Variants in ABLIM1 observed in about 807,000 individuals in gnomAD.
The protein encoded by ABLIM1 is actin binding LIM protein 1.
In ABLIM1, 40 loss-of-function variants were observed where a neutral mutation model predicts 107.0. The ratio of observed to expected loss-of-function variants is 0.37; its 90% CI spans 0.29 to 0.49. ABLIM1 has a LOEUF of 0.49. Among genes scored for constraint, ABLIM1 ranks in the 20% least tolerant of loss-of-function variants. The pLI is 0.97. For synonymous variants in ABLIM1, 357 were observed against 357.3 expected, an observed-to-expected ratio of 1.00 and a Z score of 0.01; for missense variants, 857 against 1,008.5, an observed-to-expected ratio of 0.85 and a Z score of 2.04.
At chr10:114,460,533 G>A (rs572102782) in intron 12 of ABLIM1, among the ~76,000 whole-genome samples, 9 of 152,248 alleles carry the variant, frequency 5.9e-5, no homozygotes, top group Admixed American at 2.6e-4. Context: ...GCTGGGAGGC[G>A]GAGGCTGCAG....
chr10:114,765,639 A>C (rs1039202701), intron 1 of ABLIM1, among the ~76,000 whole-genome samples: 2 of 152,188 alleles, frequency 1.3e-5, no homozygotes. Context: ...AAAAATATAC[A>C]CATTTCTAGA....
the ABLIM1 span, among the ~76,000 whole-genome samples, chr10:114,788,987 T>C: frequency 1.3e-5 from 2 of 152,102 alleles, no homozygotes; most frequent in Non-Finnish European, 2.9e-5. Context: ...CCAGGCACAG[T>C]GACTCATGCC....
chr10:114,688,556 G>A (rs1366876558), upstream of ABLIM1, among the ~76,000 whole-genome samples: 2 of 152,182 alleles, frequency 1.3e-5, no homozygotes, highest in East Asian at 3.8e-4. Context: ...CTCACTCTCT[G>A]TAGGCATTGA....
At chr10:114,555,803 A>G (rs1235792291) in intron 4 of ABLIM1, among the ~76,000 whole-genome samples, 2 of 152,180 alleles carry the variant, frequency 1.3e-5, no homozygotes, top group African/African-American at 2.4e-5. Flanking sequence ...TTGCCCAGGT[A>G]TGTTCAAGAA....
intron 6 of ABLIM1, among the ~76,000 whole-genome samples, chr10:114,493,600 T>G (rs1404111090): frequency 6.6e-6 from 1 of 152,098 alleles, no homozygotes; most frequent in Admixed American, 6.6e-5. Flanking sequence ...TATGGCTAGA[T>G]AAAAAATTAA....
chr10:114,612,060 G>T (rs1247935826), intron 1 of ABLIM1, among the ~76,000 whole-genome samples: 1 of 152,172 alleles, frequency 6.6e-6, no homozygotes, highest in Admixed American at 6.5e-5. Flanking sequence ...TTCTAGGGTG[G>T]TAGCGGAGAC....
At chr10:114,450,124 C>T (rs2061617471) in intron 14 of ABLIM1, 1 of 401,644 alleles carries the variant, frequency 2.5e-6, no homozygotes. Context: ...AAAAGGATGA[C>T]TTCAAACAGT....
intron 1 of ABLIM1, among the ~76,000 whole-genome samples, chr10:114,740,073 TA>T (rs2082256144): frequency 6.6e-6 from 1 of 152,134 alleles, no homozygotes; most frequent in African/African-American, 2.4e-5. Flanking sequence ...TGTGCAATTA[TA>T]AGACGCAGAG....
chr10:114,690,330 C>T (rs2081047504), intron 1 of ABLIM1: 1 of 1,601,680 alleles, frequency 6.2e-7, no homozygotes, highest in African/African-American at 1.3e-5. Flanking sequence ...TGTGTTGGGT[C>T]CAGCATTTGC....
At chr10:114,678,731 T>G (rs570595879) in intron 1 of ABLIM1, among the ~76,000 whole-genome samples, 11 of 152,366 alleles carry the variant, frequency 7.2e-5, no homozygotes, top group African/African-American at 2.2e-4. Flanking sequence ...GTTTGCTCTA[T>G]AAACATCTTA....
At chr10:114,658,481 A>G (rs1345386497), upstream of ABLIM1, among the ~76,000 whole-genome samples, 1 of 152,248 alleles carries the variant, frequency 6.6e-6, no homozygotes, top group Non-Finnish European at 1.5e-5. Flanking sequence ...ATCCAGAATA[A>G]GAGAAAGAAT....
At chr10:114,713,650 T>C (rs1472885378) in intron 1 of ABLIM1, among the ~76,000 whole-genome samples, 1 of 152,198 alleles carries the variant, frequency 6.6e-6, no homozygotes, top group East Asian at 1.9e-4. Context: ...TAAAGAACTT[T>C]CAGGGAGTTA....
At chr10:114,598,593 ACAAAACAAAAT>A (rs2075682467) in intron 2 of ABLIM1, among the ~76,000 whole-genome samples, 1 of 75,142 alleles carries the variant, frequency 1.3e-5, no homozygotes. Flanking sequence ...TATCAAACAA[ACAAAACAAAAT>A]AAAAACAAAA....
intron 1 of ABLIM1, among the ~76,000 whole-genome samples, chr10:114,715,038 T>C (rs1247839988): frequency 1.3e-5 from 2 of 151,986 alleles, no homozygotes; most frequent in Admixed American, 6.6e-5. Flanking sequence ...GGAAGAAAAG[T>C]AAAACCCCCA....
intron 1 of ABLIM1, among the ~76,000 whole-genome samples, chr10:114,677,731 C>T (rs369391673): frequency 2.4e-4 from 36 of 152,072 alleles, no homozygotes; most frequent in Non-Finnish European, 4.4e-4. Flanking sequence ...GCCAAGATTG[C>T]GCCACTGCAC....
chr10:114,663,130 T>C (rs1362563533), upstream of ABLIM1, among the ~76,000 whole-genome samples: 1 of 152,222 alleles, frequency 6.6e-6, no homozygotes, highest in Non-Finnish European at 1.5e-5. Flanking sequence ...CCTGCTTCTT[T>C]TGCTTTTCCT....
chr10:114,449,580 G>T (rs1589782172), intron 14 of ABLIM1, among the ~76,000 whole-genome samples: 2 of 152,198 alleles, frequency 1.3e-5, no homozygotes, highest in Non-Finnish European at 2.9e-5. Flanking sequence ...ACTGTGCCCA[G>T]TTTAGGAGGT....
chr10:114,744,789 T>G (rs1228291550), intron 1 of ABLIM1, among the ~76,000 whole-genome samples: 1 of 152,202 alleles, frequency 6.6e-6, no homozygotes, highest in Non-Finnish European at 1.5e-5. Context: ...TTTTAGAGAA[T>G]GTGTCCCATC....
intron 8 of ABLIM1, among the ~76,000 whole-genome samples, chr10:114,474,646 C>T (rs1310819442): frequency 6.6e-6 from 1 of 152,186 alleles, no homozygotes; most frequent in African/African-American, 2.4e-5. Context: ...TCCCCAAGTG[C>T]TGGGATTACA....
Sources: allele counts gnomAD v4.1 joint callset (sites outside exome capture counted in the v4.1 genomes callset), GRCh38; gene constraint gnomAD v4.1.1; transcripts MANE v1.5; gene names NCBI Gene and HGNC (gene_info 2026-07-23, HGNC 2026-07-21).